FHOD3: variants seen among roughly 807,000 people sequenced by gnomAD.
The protein encoded by FHOD3 is FH1/FH2 domain-containing protein 3.
Under a neutral mutation model 173.0 loss-of-function variants are expected in FHOD3, and 90 were observed. The observed-to-expected ratio is 0.52, with a 90% CI of 0.44 to 0.62. FHOD3 has a LOEUF of 0.62. Ranked by LOEUF, FHOD3 falls within the 20% of genes least tolerant of loss-of-function variation. FHOD3 has a pLI of 0.00. For missense variants in FHOD3, 1,945 were observed against 2,034.7 expected (o/e 0.96, Z 0.85); for synonymous variants, 828 against 823.0 (o/e 1.01, Z -0.10).
intron 3 of FHOD3, among the ~76,000 whole-genome samples, chr18:36,413,295 G>C (rs1031399654): frequency 2.0e-5 from 3 of 152,212 alleles, no homozygotes; most frequent in Admixed American, 1.3e-4. Flanking sequence ...AGCCTTGCCT[G>C]TGTTCAGCTC....
chr18:36,591,930 A>G (rs1397813560), intron 6 of FHOD3, among the ~76,000 whole-genome samples: 1 of 151,632 alleles, frequency 6.6e-6, no homozygotes, highest in South Asian at 2.1e-4. Flanking sequence ...CTCAAATGAA[A>G]CAAGGTGGCT....
chr18:36,315,519 C>T (rs968957179), intron 1 of FHOD3, among the ~76,000 whole-genome samples: 5 of 151,986 alleles, frequency 3.3e-5, no homozygotes, highest in African/African-American at 1.2e-4. Flanking sequence ...CTGGGGGGCT[C>T]CTGCAGAGGG....
intron 3 of FHOD3, among the ~76,000 whole-genome samples, chr18:36,448,734 G>GA (rs869206643): frequency 9.3e-5 from 1 of 10,784 alleles, no homozygotes; most frequent in African/African-American, 3.3e-3. Flanking sequence ...AACTCAGGAT[G>GA]GGAGCCTGCT....
At chr18:36,358,248 TTTGGTGGCATGAGG>T (rs1336578000) in intron 2 of FHOD3, among the ~76,000 whole-genome samples, 2 of 152,230 alleles carry the variant, frequency 1.3e-5, no homozygotes, top group African/African-American at 4.8e-5. Flanking sequence ...CATTGGCACC[TTTGGTGGCATGAGG>T]TTGGTTCCTG....
At chr18:36,694,999 G>A (rs694441) in intron 17 of FHOD3, among the ~76,000 whole-genome samples, 71,494 of 150,990 alleles carry the variant, frequency 0.47, 17,057 homozygotes, top group East Asian at 0.68. Context: ...GTGTGTGTGC[G>A]TGTGTGTGTG....
At chr18:36,615,904 A>G (rs1213657195) in intron 9 of FHOD3, among the ~76,000 whole-genome samples, 2 of 152,200 alleles carry the variant, frequency 1.3e-5, no homozygotes, top group Admixed American at 6.5e-5. Flanking sequence ...CTTGGGAGAG[A>G]AGAAACTGGG....
intron 1 of FHOD3, among the ~76,000 whole-genome samples, chr18:36,349,018 G>C (rs946260764): frequency 2.0e-5 from 3 of 152,204 alleles, no homozygotes; most frequent in African/African-American, 7.2e-5. Flanking sequence ...GAACCCTAAA[G>C]TTGCTGCTGA....
chr18:36,424,133 A>G (rs556381300), intron 3 of FHOD3, among the ~76,000 whole-genome samples: 35 of 152,220 alleles, frequency 2.3e-4, no homozygotes, highest in Middle Eastern at 3.4e-3. Flanking sequence ...AGCCACACCC[A>G]TCCACATGTG....
chr18:36,622,063 C>T (rs1599914085), intron 9 of FHOD3, among the ~76,000 whole-genome samples: 1 of 152,140 alleles, frequency 6.6e-6, no homozygotes, highest in Non-Finnish European at 1.5e-5. Context: ...GGACATTTTG[C>T]TAAGTGAAAT....
At chr18:36,624,496 C>T (rs541133293) in intron 9 of FHOD3, among the ~76,000 whole-genome samples, 25 of 152,198 alleles carry the variant, frequency 1.6e-4, no homozygotes, top group Admixed American at 9.8e-4. Context: ...TACGAAGAGT[C>T]ATCATGGATA....
intron 7 of FHOD3, among the ~76,000 whole-genome samples, chr18:36,599,406 ATC>A (rs2031009044): frequency 6.6e-6 from 1 of 152,206 alleles, no homozygotes; most frequent in South Asian, 2.1e-4. Flanking sequence ...AAGCGATCCC[ATC>A]TCTACTTTCT....
intron 3 of FHOD3, among the ~76,000 whole-genome samples, chr18:36,454,682 G>A (rs562868736): frequency 6.7e-5 from 10 of 149,410 alleles, no homozygotes; most frequent in Non-Finnish European, 1.3e-4. Context: ...TCTCATAGAC[G>A]TTTAACCTGG....
rs370792506 is a variant in FHOD3 at position 36,611,927 on chromosome 18, G to T, written c.814-25G>T. 9 of 1,607,814 alleles carry T rather than the reference G, an allele frequency of 5.6e-6. No homozygotes were observed. The African/African-American group carries it at 1.1e-4, about 19-fold the overall frequency. On this transcript the variant is annotated intron_variant, in intron 8 of 28. Transcript: ENST00000590592. The stretch of plus-strand genomic sequence containing the variant: ...CAAGGCAGTCTTCTGTGGTGTCTCT[G>T]TAGCTGGTTCTTCTCTTCTTCCAGA...
chr18:36,629,613 G>T (rs1293952993), intron 10 of FHOD3, among the ~76,000 whole-genome samples: 1 of 152,108 alleles, frequency 6.6e-6, no homozygotes, highest in East Asian at 1.9e-4. Context: ...TCTTAGATTT[G>T]GTGTTAGAGC....
At position 36,531,170 on chromosome 18, in the gene FHOD3, C is replaced by T. The variant is rs551105648; in HGVS notation, c.511+18627C>T. On this transcript the variant is annotated intron_variant, in intron 5 of 28. Transcript: ENST00000590592. ...GGTGGTTTTGTGGCTGGACAGTGAT[C>T]GAGCTGTAGATGTAACCCAGCCAGA... Among the ~76,000 whole-genome samples the T allele has an allele frequency of 2.1e-4, 32 of 152,154 alleles. No individual in the cohort carries two copies. In the East Asian group the frequency reaches 3.9e-3, roughly 18 times the overall value.
At chr18:36,536,980 A>T (rs776481176) in intron 5 of FHOD3, among the ~76,000 whole-genome samples, 1 of 152,250 alleles carries the variant, frequency 6.6e-6, no homozygotes, top group Non-Finnish European at 1.5e-5. Context: ...CTTGATGCAG[A>T]TGTCCTAACC....
intron 14 of FHOD3, among the ~76,000 whole-genome samples, chr18:36,667,513 T>C (rs2037257664): frequency 1.3e-5 from 2 of 152,234 alleles, no homozygotes; most frequent in Non-Finnish European, 2.9e-5. Flanking sequence ...TGGTATAGCC[T>C]GTTACTCCTA....
At chr18:36,740,864 T>C in intron 21 of FHOD3, 26 bp downstream of exon 21, 1 of 1,594,788 alleles carries the variant, frequency 6.3e-7, no homozygotes, top group Non-Finnish European at 8.5e-7. Context: ...GAGAGGCCGC[T>C]GATCCCACAT....
Position 36,427,004 on chromosome 18 carries a change from T to C in FHOD3, c.337+54260T>C, listed in dbSNP as rs141545886. ...GGCTGTCTTCACAGCCTTTGCTTTT[T>C]CCATTTTAAATAAGGCACACATTGA... On this transcript the variant is annotated intron_variant, in intron 3 of 28. Coordinates refer to ENST00000590592, the MANE Select transcript of FHOD3 (RefSeq NM_001281740.3). 7.4e-3 allele frequency among the ~76,000 whole-genome samples: 1,132 copies of C among 152,314 alleles called. 7 individuals carry two copies. The highest frequency in any genetic ancestry group is 0.025 in the African/African-American group (1,037 of 41,564).
Sources: allele counts gnomAD v4.1 joint callset (sites outside exome capture counted in the v4.1 genomes callset), GRCh38; gene constraint gnomAD v4.1.1; transcripts MANE v1.5; gene names NCBI Gene and HGNC (gene_info 2026-07-23, HGNC 2026-07-21).